Variants in EIF5B observed in about 807,000 individuals in gnomAD.
EIF5B encodes eIF-5B.
A neutral mutation model predicts 147.5 loss-of-function variants in EIF5B; 47 were observed. The ratio of observed to expected loss-of-function variants is 0.32; its 90% CI spans 0.25 to 0.41. The LOEUF (loss-of-function observed/expected upper bound fraction) is 0.41. Ranked by LOEUF, EIF5B falls within the 10% of genes least tolerant of loss-of-function variation. The pLI, the probability that EIF5B is intolerant of heterozygous loss-of-function variation, is 1.00. For missense variants in EIF5B, 1,064 were observed against 1,413.2 expected, an observed-to-expected ratio of 0.75 and a Z score of 3.96; for synonymous variants, 455 against 456.2, an observed-to-expected ratio of 1.00 and a Z score of 0.03.
chr2:99,377,139 A>T (rs1397028036), intron 10 of EIF5B, among the ~76,000 whole-genome samples: 1 of 152,144 alleles, frequency 6.6e-6, no homozygotes, highest in African/African-American at 2.4e-5. Flanking sequence ...AGTTTTCTTT[A>T]GTTCTGTCAG....
intron 9 of EIF5B, among the ~76,000 whole-genome samples, chr2:99,375,436 A>G (rs1050653858): frequency 6.6e-6 from 1 of 152,214 alleles, no homozygotes; most frequent in African/African-American, 2.4e-5. Flanking sequence ...TTTCTTATTC[A>G]TCCTTATTCC....
At chr2:99,372,329 G>T (rs1559252831) in intron 9 of EIF5B, among the ~76,000 whole-genome samples, 1 of 151,852 alleles carries the variant, frequency 6.6e-6, no homozygotes, top group Non-Finnish European at 1.5e-5. Context: ...AGTTTTACAA[G>T]ATTTATTTAG....
intron 9 of EIF5B, among the ~76,000 whole-genome samples, chr2:99,373,855 G>A (rs956047888): frequency 1.3e-5 from 2 of 151,100 alleles, no homozygotes; most frequent in South Asian, 2.1e-4. Flanking sequence ...CTTAGCAGTT[G>A]TATACCTTTC....
intron 4 of EIF5B, among the ~76,000 whole-genome samples, chr2:99,363,251 A>G (rs889696413): frequency 6.6e-6 from 1 of 152,200 alleles, no homozygotes; most frequent in South Asian, 2.1e-4. Flanking sequence ...GAAATTAGCT[A>G]CAGAACTTAC....
intron 14 of EIF5B, among the ~76,000 whole-genome samples, chr2:99,383,984 C>T (rs961819408): frequency 7.6e-4 from 115 of 151,918 alleles, no homozygotes; most frequent in Admixed American, 2.2e-3. Flanking sequence ...CCGAGGCGGG[C>T]GGATCACGAG....
chr2:99,342,984 C>T (rs2094263709), intron 1 of EIF5B, among the ~76,000 whole-genome samples: 1 of 145,354 alleles, frequency 6.9e-6, no homozygotes, highest in South Asian at 2.2e-4. Flanking sequence ...TTTTTGAGAC[C>T]GGGTCTTACT....
chr2:99,345,681 A>G (rs1362506236), intron 1 of EIF5B, among the ~76,000 whole-genome samples: 1 of 151,640 alleles, frequency 6.6e-6, no homozygotes, highest in Non-Finnish European at 1.5e-5. Context: ...GCGGTGGCTC[A>G]TGTCTGTAAT....
At chr2:99,386,534 T>C (rs1189791682) in intron 14 of EIF5B, among the ~76,000 whole-genome samples, 1 of 150,392 alleles carries the variant, frequency 6.6e-6, no homozygotes, top group Non-Finnish European at 1.5e-5. Context: ...TGTGTGTGTG[T>C]GTTTTTTTTT....
intron 21 of EIF5B, 80 bp from the exon 22 acceptor site, chr2:99,396,680 G>C: frequency 6.7e-7 from 1 of 1,497,482 alleles, no homozygotes; most frequent in Non-Finnish European, 8.9e-7. Context: ...AATGGGAGAA[G>C]CCTGATGTTC....
chr2:99,397,933 T>G (rs1051603910), intron 22 of EIF5B: 2 of 96,414 alleles, frequency 2.1e-5, no homozygotes, highest in African/African-American at 1.1e-4. Flanking sequence ...CTCAGTGGGT[T>G]TTTTTTTTTT....
chr2:99,361,840 G>A lies in EIF5B; in HGVS notation c.919+20G>A, dbSNP rs779262562. 2.0e-6 allele frequency: 3 copies of A among 1,501,852 alleles called. No homozygotes were observed. The South Asian group carries it at 4.3e-5, about 21-fold the overall frequency. 93.0% of individuals were successfully genotyped at this position (1,501,852 alleles called of 1,614,324 possible). On this transcript the variant is annotated intron_variant, in intron 4 of 23. Coordinates refer to ENST00000289371, the MANE Select transcript of EIF5B (RefSeq NM_015904.4). ...CAGAAGGTTGGTTAATACTTTAGAG[G>A]AAAGAGCAAAAGGCTTTTGATTCAC...
intron 1 of EIF5B, among the ~76,000 whole-genome samples, chr2:99,360,003 C>G (rs943418577): frequency 2.0e-5 from 3 of 151,948 alleles, no homozygotes; most frequent in African/African-American, 7.2e-5. Flanking sequence ...TGATTTTTTT[C>G]TGGAGCTTTT....
chr2:99,387,815 T>C (rs765752269), intron 14 of EIF5B, among the ~76,000 whole-genome samples: 5 of 152,200 alleles, frequency 3.3e-5, no homozygotes, highest in Admixed American at 6.5e-5. Context: ...TAGTCCTCTT[T>C]ACCATTTTTA....
intron 1 of EIF5B, among the ~76,000 whole-genome samples, chr2:99,353,398 A>G (rs545493633): frequency 4.6e-5 from 7 of 152,156 alleles, no homozygotes; most frequent in South Asian, 2.1e-4. Context: ...GGCTCAAGCA[A>G]TCCACCCACC....
intron 14 of EIF5B, 133 bp downstream of exon 14, chr2:99,383,054 T>C (rs1183568032): frequency 1.7e-5 from 16 of 928,244 alleles, no homozygotes; most frequent in Middle Eastern, 3.4e-4. Context: ...TTCACAGATA[T>C]TGTGTGTGTG....
rs1157411059 is a variant in EIF5B, at chr2:99,337,429, A to T, written c.-126A>T. On this transcript the variant is annotated 5_prime_UTR_variant, in exon 1 of 24. Transcript: ENST00000289371. ...TGTTCCAGTGCGCGGGTCTGTGGAGAGCCGGGTGCGAGCGGCGGCAGCACG... is the reference window on the plus strand; with the variant it reads ...TGTTCCAGTGCGCGGGTCTGTGGAGTGCCGGGTGCGAGCGGCGGCAGCACG... 18 of 1,208,838 alleles carry T rather than the reference A, an allele frequency of 1.5e-5. No individual in the cohort carries two copies. The South Asian group carries it at 1.8e-4, about 12-fold the overall frequency. The allele number at this position is 1,208,838 out of a possible 1,614,324, so 74.9% of individuals were successfully genotyped here. A position where few individuals can be genotyped will look rare whatever the true frequency, so the allele number is the denominator to read the frequency against.
intron 14 of EIF5B, 66 bp from the exon 15 acceptor site, chr2:99,389,651 GC>G: frequency 1.4e-6 from 2 of 1,448,548 alleles, no homozygotes; most frequent in Non-Finnish European, 1.9e-6. Context: ...ATTTTCTGGA[GC>G]TATTAATACA....
At chr2:99,356,459 A>G (rs1247986929) in intron 1 of EIF5B, among the ~76,000 whole-genome samples, 1 of 152,202 alleles carries the variant, frequency 6.6e-6, no homozygotes. Context: ...TCTCTCTAAT[A>G]GTATGACTAG....
At chr2:99,397,522 T>A (rs1675079621) in intron 22 of EIF5B, 1 of 152,158 alleles carries the variant, frequency 6.6e-6, no homozygotes, top group African/African-American at 2.4e-5. Flanking sequence ...GTTTTGCAAA[T>A]CCCTCCTCCA....
Sources: gnomAD v4.1 joint callset for allele counts (sites outside exome capture counted in the v4.1 genomes callset) on GRCh38, gnomAD v4.1.1 for gene constraint, MANE v1.5 for transcripts, NCBI Gene and HGNC (gene_info 2026-07-23, HGNC 2026-07-21) for gene names.